Variants in HS3ST4 observed in about 807,000 individuals in gnomAD.
HS3ST4 encodes heparan sulfate glucosamine 3-O-sulfotransferase 4.
A neutral mutation model predicts 29.2 loss-of-function variants in HS3ST4; 17 were observed. The observed-to-expected ratio is 0.58, with a 90% CI of 0.40 to 0.87. The LOEUF (loss-of-function observed/expected upper bound fraction) is 0.87. HS3ST4 is among the 40% of genes least tolerant of loss of function. HS3ST4 has a pLI of 0.00. For missense variants in HS3ST4, 627 were observed against 634.5 expected, an observed-to-expected ratio of 0.99 and a Z score of 0.13; for synonymous variants, 314 against 285.7, an observed-to-expected ratio of 1.10 and a Z score of -1.00.
At chr16:25,776,588 T>C (rs888282940) in intron 1 of HS3ST4, among the ~76,000 whole-genome samples, 12 of 152,316 alleles carry the variant, frequency 7.9e-5, no homozygotes, top group African/African-American at 2.6e-4. Context: ...CGGGTGCGCA[T>C]CCTCAACCTT....
intron 1 of HS3ST4, among the ~76,000 whole-genome samples, chr16:25,745,393 A>G (rs1189155455): frequency 6.6e-6 from 1 of 152,186 alleles, no homozygotes; most frequent in Non-Finnish European, 1.5e-5. Context: ...GCTTAGAGCA[A>G]GCTTAGAATC....
intron 1 of HS3ST4, among the ~76,000 whole-genome samples, chr16:25,838,204 G>A (rs1419246184): frequency 1.3e-5 from 2 of 152,160 alleles, no homozygotes; most frequent in Non-Finnish European, 2.9e-5. Flanking sequence ...CGATATTAAC[G>A]ACTACCGCTG....
intron 1 of HS3ST4, among the ~76,000 whole-genome samples, chr16:26,088,887 A>AT (rs536953061): frequency 1.3e-3 from 196 of 152,258 alleles, no homozygotes; most frequent in African/African-American, 4.4e-3. Context: ...CTCAACATTA[A>AT]TTTTTTCATG....
intron 1 of HS3ST4, among the ~76,000 whole-genome samples, chr16:25,934,876 C>T (rs992029325): frequency 6.6e-6 from 1 of 152,148 alleles, no homozygotes; most frequent in African/African-American, 2.4e-5. Context: ...CCCCCGCAAC[C>T]ACGCATAGCC....
intron 1 of HS3ST4, among the ~76,000 whole-genome samples, chr16:26,017,915 C>A (rs1011470848): frequency 6.6e-6 from 1 of 152,136 alleles, no homozygotes; most frequent in Non-Finnish European, 1.5e-5. Flanking sequence ...CTGTACAGGG[C>A]AGAGAGGAAC....
At position 25,712,382 on chromosome 16, in the gene HS3ST4, G is replaced by A. The variant is rs111373186; in HGVS notation, c.734+19231G>A. On this transcript the variant is annotated intron_variant, in intron 1 of 1. Transcript: ENST00000331351. ...ACTAAAAATACAAAAATTAGCCTGCGTGGTGGTGCATGCCTTTAGTCCCAG... is the reference window on the plus strand; with the variant it reads ...ACTAAAAATACAAAAATTAGCCTGCATGGTGGTGCATGCCTTTAGTCCCAG... Among the ~76,000 whole-genome samples, 12 of 152,176 alleles carry A rather than the reference G, an allele frequency of 7.9e-5. No individual in the cohort carries two copies. The East Asian group carries it at 1.2e-3, about 15-fold the overall frequency.
chr16:25,713,948 G>A (rs376376159), intron 1 of HS3ST4, among the ~76,000 whole-genome samples: 27 of 152,228 alleles, frequency 1.8e-4, no homozygotes, highest in South Asian at 1.0e-3. Flanking sequence ...CTAGGACTCC[G>A]TGGCATCCCC....
At chr16:25,807,307 C>T (rs896376899) in intron 1 of HS3ST4, among the ~76,000 whole-genome samples, 8 of 152,166 alleles carry the variant, frequency 5.3e-5, no homozygotes, top group Non-Finnish European at 1.0e-4. Context: ...ACCCCTTCTT[C>T]CCCAACACTC....
At chr16:26,059,283 C>G (rs910983564) in intron 1 of HS3ST4, among the ~76,000 whole-genome samples, 3 of 151,970 alleles carry the variant, frequency 2.0e-5, no homozygotes, top group Admixed American at 6.6e-5. Context: ...CTCCACTTGT[C>G]CCCCTCTCTC....
At chr16:25,715,118 C>G (rs916472363) in intron 1 of HS3ST4, among the ~76,000 whole-genome samples, 1 of 151,598 alleles carries the variant, frequency 6.6e-6, no homozygotes, top group Non-Finnish European at 1.5e-5. Context: ...GTCAGGAGAT[C>G]GAGACCATCC....
chr16:25,951,694 T>G (rs1307963722), intron 1 of HS3ST4, among the ~76,000 whole-genome samples: 1 of 152,166 alleles, frequency 6.6e-6, no homozygotes, highest in African/African-American at 2.4e-5. Context: ...CTTGCTGCTT[T>G]ATAACAAAAA....
chr16:25,912,257 C>T (rs778351461), intron 1 of HS3ST4, among the ~76,000 whole-genome samples: 1 of 152,150 alleles, frequency 6.6e-6, no homozygotes, highest in Non-Finnish European at 1.5e-5. Flanking sequence ...CTCTTGTCCC[C>T]GGCATCTCAA....
At chr16:25,776,975 GC>G (rs1966848071) in intron 1 of HS3ST4, among the ~76,000 whole-genome samples, 1 of 152,144 alleles carries the variant, frequency 6.6e-6, no homozygotes, top group Admixed American at 6.5e-5. Flanking sequence ...CAATATGCAT[GC>G]CCTCATTACA....
chr16:25,937,977 G>A (rs543191142), intron 1 of HS3ST4, among the ~76,000 whole-genome samples: 18 of 152,136 alleles, frequency 1.2e-4, no homozygotes, highest in Non-Finnish European at 1.8e-4. Flanking sequence ...AGGGAAATGC[G>A]CAGGGTTGGA....
chr16:25,868,179 G>T (rs1184111326), intron 1 of HS3ST4, among the ~76,000 whole-genome samples: 3 of 152,084 alleles, frequency 2.0e-5, no homozygotes, highest in Non-Finnish European at 4.4e-5. Flanking sequence ...CCACCTGAAG[G>T]AAGTGAGGTG....
At chr16:25,873,516 A>C (rs374837865) in intron 1 of HS3ST4, among the ~76,000 whole-genome samples, 1 of 134,696 alleles carries the variant, frequency 7.4e-6, no homozygotes, top group African/African-American at 2.8e-5. Flanking sequence ...CTATCTATCT[A>C]TCTATCTGTC....
At chr16:25,840,840 A>G (rs1967404396) in intron 1 of HS3ST4, among the ~76,000 whole-genome samples, 1 of 152,160 alleles carries the variant, frequency 6.6e-6, no homozygotes, top group Non-Finnish European at 1.5e-5. Flanking sequence ...AATATTACAC[A>G]TGAAAGAGCC....
intron 1 of HS3ST4, among the ~76,000 whole-genome samples, chr16:26,094,444 A>G (rs889140153): frequency 6.6e-6 from 1 of 152,214 alleles, no homozygotes; most frequent in Non-Finnish European, 1.5e-5. Context: ...GCCAGAAGAG[A>G]GTGGGGGCCA....
chr16:25,740,131 G>A (rs879672243), intron 1 of HS3ST4, among the ~76,000 whole-genome samples: 14 of 152,148 alleles, frequency 9.2e-5, no homozygotes, highest in Non-Finnish European at 8.8e-5. Context: ...AAAGCACTGA[G>A]CTGAGAGAGC....
Sources: gnomAD v4.1 joint callset for allele counts (sites outside exome capture counted in the v4.1 genomes callset) on GRCh38, gnomAD v4.1.1 for gene constraint, MANE v1.5 for transcripts, NCBI Gene and HGNC (gene_info 2026-07-23, HGNC 2026-07-21) for gene names.